The following PADI4 variants were observed in gnomAD, a reference collection of about 807,000 sequenced individuals.
PADI4 encodes peptidyl arginine deiminase 4, also known as protein-arginine deiminase type-4.
A neutral mutation model predicts 75.0 loss-of-function variants in PADI4; 62 were observed. The ratio of observed to expected loss-of-function variants is 0.83; its 90% CI spans 0.67 to 1.02. PADI4 has a LOEUF of 1.02. PADI4 is among the 50% of genes least tolerant of loss of function. The probability of loss-of-function intolerance (pLI) is 0.00; values close to 1 mark genes in which losing one functional copy is unlikely to be tolerated. For missense variants in PADI4, 845 were observed against 850.5 expected, an observed-to-expected ratio of 0.99 and a Z score of 0.08; for synonymous variants, 361 against 348.1, an observed-to-expected ratio of 1.04 and a Z score of -0.41.
intron 13 of PADI4, among the ~76,000 whole-genome samples, chr1:17,357,575 A>G (rs975074240): frequency 6.6e-6 from 1 of 152,216 alleles, no homozygotes; most frequent in Admixed American, 6.5e-5. Flanking sequence ...TCTGTCCTGC[A>G]TGCAAGTAGA....
Position 17,320,454 on chromosome 1 carries a change from T to G in PADI4, c.93-10515T>G, listed in dbSNP as rs569361027. Among the ~76,000 whole-genome samples the G allele has an allele frequency of 3.3e-5, 5 of 152,224 alleles. No homozygotes were observed. In the South Asian group the frequency reaches 1.0e-3, roughly 32 times the overall value. ...CCCAAAGGCTGCTGGTTGCCCATTTTTATGGTTATTTCTTGATTATATGCT... is the reference window on the plus strand; with the variant it reads ...CCCAAAGGCTGCTGGTTGCCCATTTGTATGGTTATTTCTTGATTATATGCT... On this transcript the variant is annotated intron_variant, in intron 1 of 15. Coordinates refer to ENST00000375448, the MANE Select transcript of PADI4 (RefSeq NM_012387.3).
intron 10 of PADI4, among the ~76,000 whole-genome samples, chr1:17,349,357 A>T (rs905786928): frequency 2.0e-5 from 3 of 152,190 alleles, no homozygotes; most frequent in Admixed American, 2.0e-4. Context: ...CTTTGGATGA[A>T]GGCAGGCAGC....
chr1:17,327,343 A>G (rs1434468285), intron 1 of PADI4, among the ~76,000 whole-genome samples: 1 of 152,172 alleles, frequency 6.6e-6, no homozygotes, highest in Non-Finnish European at 1.5e-5. Context: ...TTCTTTTGAT[A>G]TTAATATATC....
Position 17,359,403 on chromosome 1 carries a change from A to G in PADI4, c.1753A>G (p.Asn585Asp), listed in dbSNP as rs748279437. 1.9e-6 allele frequency: 3 copies of G among 1,613,984 alleles called. No individual in the cohort carries two copies. Among genetic ancestry groups the G allele is most frequent in the Non-Finnish European group, 1.7e-6 (2 of 1,179,930 alleles). Residue 585 changes from asparagine (N) to aspartate (D), a missense_variant, in exon 15 of 16, where the codon AAC becomes GAC. Transcript: ENST00000375448. Reference protein sequence around the residue: ...EFSKAEAFFPNMVNMLVLGKH... With the variant: ...EFSKAEAFFPDMVNMLVLGKH... ...CTCTAAGGCGGAAGCTTTTTTCCCC[A>G]ACATGGTGAGGAGGTGGCGGCTTTA... is the stretch of plus-strand genomic sequence containing the variant.
chr1:17,338,027 C>A lies in PADI4; in HGVS notation c.409-11C>A, dbSNP rs544012490. ...AGTTTCTGAGCATGACTCTTCCCTG[C>A]TGGTGTCCAGAGGACCTGGACCTGG... On this transcript the variant is annotated splice_polypyrimidine_tract_variant and intron_variant, in intron 4 of 15. Transcript: ENST00000375448. 10 of 1,559,348 alleles carry A rather than the reference C, an allele frequency of 6.4e-6. No individual in the cohort carries two copies. The South Asian group carries it at 7.8e-5, about 12-fold the overall frequency.
intron 1 of PADI4, 144 bp downstream of exon 1, chr1:17,308,458 A>G (rs2073712236): frequency 1.5e-6 from 1 of 656,992 alleles, no homozygotes; most frequent in Non-Finnish European, 2.7e-6. Context: ...TGGAGAGAGA[A>G]GACCCCAGCA....
intron 1 of PADI4, among the ~76,000 whole-genome samples, chr1:17,319,332 A>G (rs1185482652): frequency 1.3e-5 from 2 of 152,158 alleles, no homozygotes; most frequent in Non-Finnish European, 2.9e-5. Flanking sequence ...TTGGAAGGCC[A>G]AGATGGGAGG....
chr1:17,312,874 T>A (rs77843415), intron 1 of PADI4, among the ~76,000 whole-genome samples: 8 of 149,440 alleles, frequency 5.4e-5, no homozygotes, highest in East Asian at 1.9e-4. Context: ...TTTTTTTTTT[T>A]AATCTTTGTA....
At position 17,357,906 on chromosome 1, in the gene PADI4, G is replaced by A. The variant is rs531655941; in HGVS notation, c.1559-932G>A. 1.3e-4 allele frequency among the ~76,000 whole-genome samples: 20 copies of A among 148,178 alleles called. No individual in the cohort carries two copies. In the South Asian group the frequency reaches 3.9e-3, roughly 29 times the overall value. ...AGAATGTGCCACTGCACTCTAGCCT[G>A]GGTGACAGAGCAAGACTCAGTCTCA... is the stretch of plus-strand genomic sequence containing the variant. On this transcript the variant is annotated intron_variant, in intron 13 of 15. Transcript: ENST00000375448.
chr1:17,311,525 C>CTTTT (rs563562288), intron 1 of PADI4, among the ~76,000 whole-genome samples: 11 of 145,458 alleles, frequency 7.6e-5, no homozygotes, highest in Admixed American at 4.1e-4. Flanking sequence ...TCTCCTTCTT[C>CTTTT]TTTTTTTTTT....
Position 17,342,303 on chromosome 1 carries a change from T to C in PADI4, c.836T>C (p.Leu279Pro). Reference protein sequence around the residue: ...ISLLDTSNLELPEAVVFQDSV... With the variant: ...ISLLDTSNLEPPEAVVFQDSV... ...CCCTTACCCCCTCCCCTGCAGGAGC[T>C]CCCCGAGGCTGTGGTGTTCCAAGAC... is the stretch of plus-strand genomic sequence containing the variant. Residue 279 changes from leucine (L) to proline (P), a missense_variant, in exon 8 of 16, where the codon CTC becomes CCC. Transcript: ENST00000375448. The C allele has an allele frequency of 6.2e-7, 1 of 1,609,618 alleles. No individual in the cohort carries two copies. Among genetic ancestry groups the C allele is most frequent in the Non-Finnish European group, 8.5e-7 (1 of 1,176,224 alleles).
intron 3 of PADI4, among the ~76,000 whole-genome samples, chr1:17,335,304 C>T (rs531485832): frequency 1.3e-5 from 2 of 152,220 alleles, no homozygotes; most frequent in Admixed American, 1.3e-4. Context: ...ACATTTAATC[C>T]TTACAACAAT....
chr1:17,308,289 A>T lies in PADI4; in HGVS notation c.67A>T (p.Thr23Ser), dbSNP rs567560287. ...CACCCATGCCGTGTGTGTGCTGGGC[A>T]CCTTGACTCAGCTTGACATCTGCAG... ...QPTHAVCVLG[T>S]LTQLDICSSA... The change falls in exon 1 of 16, where the codon ACC becomes TCC. Residue 23 changes from threonine to serine, a missense_variant. Transcript: ENST00000375448. 2 of 1,614,002 alleles carry T rather than the reference A, an allele frequency of 1.2e-6. No individual in the cohort carries two copies. The highest frequency in any genetic ancestry group is 2.2e-5 in the South Asian group (2 of 91,072).
chr1:17,313,967 C>A (rs959235140), intron 1 of PADI4, among the ~76,000 whole-genome samples: 1 of 152,204 alleles, frequency 6.6e-6, no homozygotes, highest in Non-Finnish European at 1.5e-5. Context: ...CCAGAGGAAG[C>A]ACACTCATCT....
chr1:17,318,667 A>T (rs567805230), intron 1 of PADI4, among the ~76,000 whole-genome samples: 39 of 151,112 alleles, frequency 2.6e-4, no homozygotes, highest in Non-Finnish European at 4.9e-4. Context: ...CACAAGGCGA[A>T]AATTGGCATG....
chr1:17,358,983 A>T, intron 14 of PADI4, 75 bp downstream of exon 14: 1 of 944,662 alleles, frequency 1.1e-6, no homozygotes, highest in Non-Finnish European at 1.6e-6. Flanking sequence ...CAGTGATTAG[A>T]GGCACACAGA....
In PADI4 at chr1:17,356,408, G is replaced by C; in HGVS notation, c.1507G>C (p.Glu503Gln). The change falls in exon 13 of 16, where the codon GAG becomes CAG. Residue 503 changes from glutamate to glutamine, a missense_variant. Physicochemically the swap from Glu to Gln is conservative, Grantham distance 29. Transcript: ENST00000375448. The surrounding 1 kb of genome is among the most constrained non-coding windows in gnomAD (Gnocchi z 4.1). ...CAGGTCCTGCTACAAACTGTTCCAGGAGCAGCAGAATGAGGGCCACGGGGA... is the reference window on the plus strand; with the variant it reads ...CAGGTCCTGCTACAAACTGTTCCAGCAGCAGCAGAATGAGGGCCACGGGGA... The part of the protein sequence containing the change: ...SPRSCYKLFQ[E>Q]QQNEGHGEAL... 6.2e-7 allele frequency: 1 copy of C among 1,613,774 alleles called. No homozygotes were observed. Among genetic ancestry groups the C allele is most frequent in the Middle Eastern group, 1.7e-4 (1 of 6,060 alleles).
In PADI4 at chr1:17,347,932, C is replaced by T. The variant is rs750966145; in HGVS notation, c.1048-9C>T. 4.5e-6 allele frequency: 7 copies of T among 1,543,802 alleles called. No homozygotes were observed. Among genetic ancestry groups the T allele is most frequent in the Middle Eastern group, 1.7e-4 (1 of 5,764 alleles). On this transcript the variant is annotated splice_polypyrimidine_tract_variant and intron_variant, in intron 9 of 15. Transcript: ENST00000375448. ...CGCGCAACAGCCTCCTCTCCACTCACTCCCACAGGATGAAATGGAGATCGG... is the reference window on the plus strand; with the variant it reads ...CGCGCAACAGCCTCCTCTCCACTCATTCCCACAGGATGAAATGGAGATCGG...
In PADI4 at chr1:17,356,495, C is replaced by A; in HGVS notation, c.1558+36C>A. 8.0e-7 allele frequency: 1 copy of A among 1,248,270 alleles called. No homozygotes were observed. The highest frequency in any genetic ancestry group is 1.2e-6 in the Non-Finnish European group (1 of 856,166). The allele number at this position is 1,248,270 out of a possible 1,614,324, so 77.3% of individuals were successfully genotyped here. ...CCTGCCTTGTTCTCCTGTCTGTGCA[C>A]CTTCCTGCTTCCCATAGTCCGCTGT... is the stretch of plus-strand genomic sequence containing the variant. On this transcript the variant is annotated intron_variant, in intron 13 of 15. Transcript: ENST00000375448. This position sits in a 1 kb window ranked among gnomAD's most constrained non-coding sequence, Gnocchi z 4.1.
Sources: allele counts gnomAD v4.1 joint callset (sites outside exome capture counted in the v4.1 genomes callset), GRCh38; gene constraint gnomAD v4.1.1; non-coding constraint Gnocchi (gnomAD v3.1); transcripts MANE v1.5; gene names NCBI Gene and HGNC (gene_info 2026-07-23, HGNC 2026-07-21).